GUCY1A2: variants seen among roughly 807,000 people sequenced by gnomAD.
The protein encoded by GUCY1A2 is guanylate cyclase 1 soluble subunit alpha 2.
Under a neutral mutation model 63.5 loss-of-function variants are expected in GUCY1A2, and 27 were observed. The ratio of observed to expected loss-of-function variants is 0.43; its 90% confidence interval spans 0.31 to 0.59. GUCY1A2 has a LOEUF of 0.59. GUCY1A2 is among the 20% of genes least tolerant of loss of function. GUCY1A2 has a pLI of 0.11. For missense variants in GUCY1A2, 768 were observed against 913.3 expected, an observed-to-expected ratio of 0.84 and a Z score of 2.05; for synonymous variants, 364 against 343.5, an observed-to-expected ratio of 1.06 and a Z score of -0.66.
intron 4 of GUCY1A2, chr11:106,827,480 C>T: frequency 3.4e-6 from 5 of 1,467,136 alleles, no homozygotes; most frequent in Non-Finnish European, 4.8e-6. Flanking sequence ...TTCTGAAATT[C>T]CTGAGCACTG....
chr11:106,912,568 A>C (rs1427857027), intron 4 of GUCY1A2, among the ~76,000 whole-genome samples: 3 of 152,066 alleles, frequency 2.0e-5, no homozygotes, highest in Admixed American at 2.0e-4. Flanking sequence ...TTTCCTTTTA[A>C]ATTTGAGAAA....
intron 3 of GUCY1A2, among the ~76,000 whole-genome samples, chr11:106,971,168 A>G (rs1861189286): frequency 6.6e-6 from 1 of 151,992 alleles, no homozygotes. Flanking sequence ...ATTTTTCAAT[A>G]CCCATAGAAC....
intron 4 of GUCY1A2, among the ~76,000 whole-genome samples, chr11:106,863,784 A>G (rs1416061265): frequency 6.6e-6 from 1 of 151,938 alleles, no homozygotes; most frequent in African/African-American, 2.4e-5. Context: ...ATGTTTTTCT[A>G]TTGTTTGTGT....
intron 3 of GUCY1A2, among the ~76,000 whole-genome samples, chr11:106,956,633 G>C (rs1860988391): frequency 6.6e-6 from 1 of 152,172 alleles, no homozygotes. Flanking sequence ...GGAGTCTGGA[G>C]AGCAGTAAAG....
At chr11:106,759,391 T>A (rs1864026952) in intron 6 of GUCY1A2, among the ~76,000 whole-genome samples, 2 of 152,238 alleles carry the variant, frequency 1.3e-5, no homozygotes, top group South Asian at 4.1e-4. Flanking sequence ...ATTAGAAGGG[T>A]GATAGGAGCC....
intron 4 of GUCY1A2, among the ~76,000 whole-genome samples, chr11:106,825,173 A>T (rs1385776864): frequency 1.3e-5 from 2 of 152,172 alleles, no homozygotes; most frequent in Non-Finnish European, 2.9e-5. Flanking sequence ...CAAGGGAAAA[A>T]TTTTTATGTA....
chr11:106,752,185 G>A (rs920618156), intron 6 of GUCY1A2, among the ~76,000 whole-genome samples: 8 of 151,846 alleles, frequency 5.3e-5, no homozygotes, highest in African/African-American at 1.9e-4. Flanking sequence ...CAAGAAAGAT[G>A]GATAGAATAA....
chr11:106,805,203 C>T (rs565757600), intron 5 of GUCY1A2, among the ~76,000 whole-genome samples: 8 of 152,046 alleles, frequency 5.3e-5, no homozygotes, highest in Non-Finnish European at 7.4e-5. Flanking sequence ...GGGAATACTC[C>T]CCCTCTACCT....
chr11:106,825,946 A>T (rs1208821421), intron 4 of GUCY1A2, among the ~76,000 whole-genome samples: 2 of 152,212 alleles, frequency 1.3e-5, no homozygotes, highest in Non-Finnish European at 2.9e-5. Flanking sequence ...ATCAATATAA[A>T]TATTAGCAAA....
chr11:107,013,060 AAAT>A (rs769519380), intron 1 of GUCY1A2, among the ~76,000 whole-genome samples: 7 of 152,114 alleles, frequency 4.6e-5, no homozygotes, highest in Non-Finnish European at 1.0e-4. Flanking sequence ...TCCTTCCCCA[AAAT>A]AATAATTTAT....
chr11:106,839,267 T>A (rs1859162239), intron 4 of GUCY1A2, among the ~76,000 whole-genome samples: 2 of 151,996 alleles, frequency 1.3e-5, no homozygotes, highest in Admixed American at 6.6e-5. Flanking sequence ...GTCAGGTTTG[T>A]CAAAGATCAG....
intron 5 of GUCY1A2, among the ~76,000 whole-genome samples, chr11:106,787,290 C>T (rs953569318): frequency 6.6e-5 from 10 of 151,694 alleles, no homozygotes; most frequent in African/African-American, 1.9e-4. Flanking sequence ...ATCCCCACTT[C>T]GCCATGACCA....
chr11:106,859,384 G>GT (rs1859478338), intron 4 of GUCY1A2, among the ~76,000 whole-genome samples: 1 of 151,934 alleles, frequency 6.6e-6, no homozygotes, highest in Admixed American at 6.6e-5. Flanking sequence ...CTTAATTTAT[G>GT]TATTTATTCT....
In GUCY1A2 at chr11:106,726,567, G is replaced by A. The variant is rs182605894; in HGVS notation, c.1837-17901C>T. 1.2e-3 allele frequency among the ~76,000 whole-genome samples: 180 copies of A among 152,274 alleles called. 1 individual carries two copies. The highest frequency in any genetic ancestry group is 4.1e-3 in the African/African-American group (170 of 41,552). ...TACAGGATGGAGAATGACCTTAGGC[G>A]GGTGGGCAGGAAACACTACAGGCTA... On this transcript the variant is annotated intron_variant, in intron 6 of 7. Transcript: ENST00000526355.
At position 106,708,672 on chromosome 11, in the gene GUCY1A2, G is replaced by A. The variant is rs1291278947; in HGVS notation, c.1837-6C>T. On this transcript the variant is annotated splice_polypyrimidine_tract_variant and splice_region_variant and intron_variant, in intron 6 of 7. Coordinates refer to ENST00000526355, the MANE Select transcript of GUCY1A2 (RefSeq NM_000855.3). ...GAGTGAATTCCTATCCTCATCTAAA[G>A]AAGAATGAAAGAGGAAAAGGAACAT... 6.4e-7 allele frequency: 1 copy of A among 1,566,276 alleles called. No homozygotes were observed. The highest frequency in any genetic ancestry group is 1.2e-5 in the South Asian group (1 of 85,932).
intron 1 of GUCY1A2, among the ~76,000 whole-genome samples, chr11:106,992,787 G>A (rs1861488006): frequency 1.3e-5 from 2 of 151,974 alleles, no homozygotes; most frequent in Admixed American, 6.6e-5. Flanking sequence ...AAACCTATAA[G>A]CAAAATCAGG....
intron 3 of GUCY1A2, among the ~76,000 whole-genome samples, chr11:106,962,100 C>T (rs1370522175): frequency 1.3e-5 from 2 of 152,170 alleles, no homozygotes; most frequent in African/African-American, 2.4e-5. Context: ...CCTATTTTCC[C>T]AACATTTATA....
chr11:106,728,889 C>A (rs1283433107), intron 6 of GUCY1A2, among the ~76,000 whole-genome samples: 1 of 152,122 alleles, frequency 6.6e-6, no homozygotes, highest in Non-Finnish European at 1.5e-5. Context: ...TTCCCTCTCC[C>A]TTACTTTTGA....
chr11:106,710,779 T>C (rs991187762), intron 6 of GUCY1A2, among the ~76,000 whole-genome samples: 5 of 151,966 alleles, frequency 3.3e-5, no homozygotes, highest in African/African-American at 1.2e-4. Flanking sequence ...TGGGAGATGA[T>C]ATCCTTAGTT....
Sources: allele counts gnomAD v4.1 joint callset (sites outside exome capture counted in the v4.1 genomes callset), GRCh38; gene constraint gnomAD v4.1.1; transcripts MANE v1.5; gene names NCBI Gene and HGNC (gene_info 2026-07-23, HGNC 2026-07-21).